The following GPC6 variants were observed in gnomAD, a reference collection of about 807,000 sequenced individuals.
GPC6 encodes glypican-6.
In GPC6, 14 loss-of-function variants were observed where a neutral mutation model predicts 55.2. The ratio of observed to expected loss-of-function variants is 0.25; its 90% CI spans 0.17 to 0.40. The LOEUF (loss-of-function observed/expected upper bound fraction) is 0.40, where lower values mean the gene tolerates loss of function less well. Among genes scored for constraint, GPC6 ranks in the 10% least tolerant of loss-of-function variants. The pLI is 1.00. For missense variants in GPC6, 641 were observed against 708.5 expected (o/e 0.90, Z 1.08); for synonymous variants, 278 against 259.6 (o/e 1.07, Z -0.68).
At position 93,997,678 on chromosome 13, in the gene GPC6, C is replaced by G. The variant is rs145095374; in HGVS notation, c.712-30051C>G. On this transcript the variant is annotated intron_variant, in intron 3 of 8. Coordinates refer to ENST00000377047, the MANE Select transcript of GPC6 (RefSeq NM_005708.5). The stretch of plus-strand genomic sequence containing the variant: ...TAATTTTGATAAAGGAAGATGGAGG[C>G]AGTATCTTTGCTTTTTAGCAATATA... 2.1e-3 allele frequency among the ~76,000 whole-genome samples: 326 copies of G among 151,960 alleles called. 3 individuals carry two copies. The highest frequency in any genetic ancestry group is 7.4e-3 in the African/African-American group (308 of 41,444).
chr13:93,220,428 T>C, the GPC6 span, among the ~76,000 whole-genome samples: 1 of 152,218 alleles, frequency 6.6e-6, no homozygotes, highest in East Asian at 1.9e-4. Flanking sequence ...TCTCATAACA[T>C]TAATATCTGA....
intron 6 of GPC6, among the ~76,000 whole-genome samples, chr13:94,342,838 C>A (rs190253315): frequency 6.6e-6 from 1 of 152,258 alleles, no homozygotes; most frequent in East Asian, 1.9e-4. Flanking sequence ...CAGTCCTAGA[C>A]TGTCTCGCCA....
intron 4 of GPC6, among the ~76,000 whole-genome samples, chr13:94,150,312 T>C (rs1324015123): frequency 6.6e-6 from 1 of 152,102 alleles, no homozygotes; most frequent in East Asian, 1.9e-4. Context: ...ACTGATATCC[T>C]TTTCCCCCCT....
intron 1 of GPC6, among the ~76,000 whole-genome samples, chr13:93,256,702 T>C (rs1876965389): frequency 6.6e-6 from 1 of 152,204 alleles, no homozygotes; most frequent in Admixed American, 6.5e-5. Flanking sequence ...ATACTCTGTA[T>C]ACTACTAGGC....
intron 6 of GPC6, among the ~76,000 whole-genome samples, chr13:94,374,387 A>G (rs966776002): frequency 1.3e-5 from 2 of 150,690 alleles, no homozygotes; most frequent in African/African-American, 4.9e-5. Context: ...AAGCAAATGG[A>G]AAACAAAAAA....
intron 1 of GPC6, among the ~76,000 whole-genome samples, chr13:93,519,700 A>C (rs1881335260): frequency 6.6e-6 from 1 of 152,118 alleles, no homozygotes; most frequent in Non-Finnish European, 1.5e-5. Context: ...CCCCTCTTAG[A>C]GAAACAGGTA....
At chr13:93,331,426 C>T (rs188386716) in intron 1 of GPC6, among the ~76,000 whole-genome samples, 232 of 152,186 alleles carry the variant, frequency 1.5e-3, no homozygotes, top group African/African-American at 4.9e-3. Flanking sequence ...TCTTAAGAAG[C>T]GTGGTAGAGT....
chr13:93,758,825 G>A (rs1284392336), intron 2 of GPC6, among the ~76,000 whole-genome samples: 1 of 151,976 alleles, frequency 6.6e-6, no homozygotes, highest in African/African-American at 2.4e-5. Context: ...TTTCCTAAAT[G>A]TGTCATCATT....
chr13:94,324,309 C>A (rs1022905496), intron 6 of GPC6, among the ~76,000 whole-genome samples: 1 of 134,036 alleles, frequency 7.5e-6, no homozygotes, highest in Non-Finnish European at 1.6e-5. Flanking sequence ...CTATGAAAGC[C>A]TTAAAAAAAA....
intron 4 of GPC6, among the ~76,000 whole-genome samples, chr13:94,061,616 AC>A (rs1188457345): frequency 1.3e-5 from 2 of 151,974 alleles, no homozygotes; most frequent in Non-Finnish European, 2.9e-5. Context: ...GAAATTCCTC[AC>A]CGAGAAGGAG....
chr13:94,049,459 G>A (rs1164158529), intron 4 of GPC6, among the ~76,000 whole-genome samples: 1 of 152,018 alleles, frequency 6.6e-6, no homozygotes, highest in Non-Finnish European at 1.5e-5. Flanking sequence ...AGATACCTGG[G>A]ACCTGGTTGA....
chr13:93,880,663 A>G (rs1034494972), intron 3 of GPC6, among the ~76,000 whole-genome samples: 3 of 152,108 alleles, frequency 2.0e-5, no homozygotes, highest in Admixed American at 6.6e-5. Flanking sequence ...ATGTATACAT[A>G]TGTAACTAAC....
At chr13:93,357,735 T>C (rs1050265770) in intron 1 of GPC6, among the ~76,000 whole-genome samples, 1 of 152,096 alleles carries the variant, frequency 6.6e-6, no homozygotes. Context: ...CTCAGGAGGC[T>C]GAGGCTGGAG....
intron 4 of GPC6, among the ~76,000 whole-genome samples, chr13:94,284,576 A>G (rs1594131131): frequency 6.6e-6 from 1 of 151,960 alleles, no homozygotes; most frequent in Non-Finnish European, 1.5e-5. Context: ...AAGCCCCAAA[A>G]CACACTATTT....
At chr13:93,921,582 A>G (rs1359482635) in intron 3 of GPC6, among the ~76,000 whole-genome samples, 1 of 151,824 alleles carries the variant, frequency 6.6e-6, no homozygotes, top group Non-Finnish European at 1.5e-5. Flanking sequence ...GAACTTCCCC[A>G]GCCGAATTCC....
At chr13:93,396,175 CAT>C (rs757165828) in intron 1 of GPC6, among the ~76,000 whole-genome samples, 166 of 152,188 alleles carry the variant, frequency 1.1e-3, no homozygotes, top group African/African-American at 2.7e-3. Context: ...AGTAATAAAA[CAT>C]GTGTTTATTG....
In GPC6 at chr13:94,389,300, C is replaced by T. The variant is rs529049863; in HGVS notation, c.1289+6750C>T. Among the ~76,000 whole-genome samples, 24 of 152,252 alleles carry T rather than the reference C, an allele frequency of 1.6e-4. No individual in the cohort carries two copies. In the South Asian group the frequency reaches 2.1e-3, roughly 13 times the overall value. On this transcript the variant is annotated intron_variant, in intron 7 of 8. Transcript: ENST00000377047. ...ACCCTAGGAGGACATTTGCAGTCAT[C>T]AGTCATCCCTGAGAAGGGCGTTCTG...
At chr13:93,770,432 G>C (rs978963698) in intron 2 of GPC6, among the ~76,000 whole-genome samples, 1 of 152,044 alleles carries the variant, frequency 6.6e-6, no homozygotes, top group Non-Finnish European at 1.5e-5. Context: ...TTTCTCACTG[G>C]TCTCCTAAGC....
chr13:94,311,026 A>G (rs1394551818), intron 6 of GPC6, among the ~76,000 whole-genome samples: 1 of 152,126 alleles, frequency 6.6e-6, no homozygotes, highest in African/African-American at 2.4e-5. Flanking sequence ...TTCGTTTTCT[A>G]CTTGAATTTC....
Sources: allele counts gnomAD v4.1 joint callset (sites outside exome capture counted in the v4.1 genomes callset), GRCh38; gene constraint gnomAD v4.1.1; transcripts MANE v1.5; gene names NCBI Gene and HGNC (gene_info 2026-07-23, HGNC 2026-07-21).